The following PRIMA1 variants were observed in gnomAD, a reference collection of about 807,000 sequenced individuals.
PRIMA1 encodes proline rich membrane anchor 1, also known as proline-rich membrane anchor 1.
Under a neutral mutation model 17.5 loss-of-function variants are expected in PRIMA1, and 7 were observed. The ratio of observed to expected loss-of-function variants is 0.40; its 90% CI spans 0.23 to 0.75. The LOEUF (loss-of-function observed/expected upper bound fraction) is 0.75, where lower values mean the gene tolerates loss of function less well. Ranked by LOEUF, PRIMA1 falls within the 30% of genes least tolerant of loss-of-function variation. The pLI is 0.37. For missense variants in PRIMA1, 200 were observed against 201.8 expected (o/e 0.99, Z 0.05); for synonymous variants, 97 against 77.9 (o/e 1.25, Z -1.29).
intron 3 of PRIMA1, among the ~76,000 whole-genome samples, chr14:93,776,170 C>G (rs1440966276): frequency 1.3e-5 from 2 of 152,174 alleles, no homozygotes; most frequent in African/African-American, 4.8e-5. Flanking sequence ...GACAGAAATC[C>G]AATACCGTCA....
In PRIMA1 at chr14:93,726,826, CACAT is replaced by C. The variant is rs2076080235; in HGVS notation, c.360-5284_360-5281del. The stretch of plus-strand genomic sequence containing the variant: ...TGTACTTCAACACACACACAATATA[CACAT>C]ACACACATGTCCCTACACACATATG... On this transcript the variant is annotated intron_variant, in intron 4 of 4. Transcript: ENST00000393140. The surrounding 1 kb of genome is among the most constrained non-coding windows in gnomAD (Gnocchi z 4.2). 1.3e-5 allele frequency among the ~76,000 whole-genome samples: 2 copies of C among 152,040 alleles called. No homozygotes were observed. The highest frequency in any genetic ancestry group is 2.9e-5 in the Non-Finnish European group (2 of 68,008).
At chr14:93,766,643 G>A (rs562119918) in intron 3 of PRIMA1, among the ~76,000 whole-genome samples, 40 of 152,330 alleles carry the variant, frequency 2.6e-4, no homozygotes, top group Non-Finnish European at 5.3e-4. Context: ...GCATGACACA[G>A]AGAATTCAAC....
chr14:93,753,793 T>C (rs2076274742), intron 3 of PRIMA1, among the ~76,000 whole-genome samples: 1 of 152,164 alleles, frequency 6.6e-6, no homozygotes, highest in Admixed American at 6.5e-5. Flanking sequence ...AGGGCAACTT[T>C]GACCTATTCC....
At chr14:93,763,526 A>G (rs1183416494) in intron 3 of PRIMA1, among the ~76,000 whole-genome samples, 1 of 152,200 alleles carries the variant, frequency 6.6e-6, no homozygotes, top group Non-Finnish European at 1.5e-5. Context: ...CCCCAGCCGA[A>G]GCAGCCATTT....
chr14:93,737,397 G>A (rs1259434046), intron 3 of PRIMA1, 27 bp from the exon 4 acceptor site: 2 of 1,610,414 alleles, frequency 1.2e-6, no homozygotes, highest in Non-Finnish European at 1.7e-6. Flanking sequence ...CAGCCTGAGT[G>A]TCACCTGGAT....
rs532439940 is a variant in PRIMA1 at position 93,763,693 on chromosome 14, C to T, written c.229+15483G>A. Among the ~76,000 whole-genome samples, 37 of 152,280 alleles carry T rather than the reference C, an allele frequency of 2.4e-4. 1 individual carries two copies. In the South Asian group the frequency reaches 5.2e-3, roughly 21 times the overall value. Reference sequence around the variant, plus strand: ...CCGTCTGCTAATCGGTGAGCACTTCCGGTCCTCAGCTCCTTCCCTTGGCTC... The same window carrying T: ...CCGTCTGCTAATCGGTGAGCACTTCTGGTCCTCAGCTCCTTCCCTTGGCTC... On this transcript the variant is annotated intron_variant, in intron 3 of 4. Transcript: ENST00000393140.
intron 2 of PRIMA1, among the ~76,000 whole-genome samples, chr14:93,783,417 G>C (rs1885438061): frequency 6.6e-6 from 1 of 152,224 alleles, no homozygotes; most frequent in South Asian, 2.1e-4. Context: ...CCATTCCCCA[G>C]TGCTGGTTCC....
chr14:93,772,181 T>C (rs573221686), intron 3 of PRIMA1, among the ~76,000 whole-genome samples: 6 of 152,218 alleles, frequency 3.9e-5, no homozygotes, highest in Admixed American at 3.9e-4. Context: ...CATTTGTCTC[T>C]TTCTCTGTTG....
At chr14:93,752,606 C>T (rs1425964307) in intron 3 of PRIMA1, among the ~76,000 whole-genome samples, 1 of 152,170 alleles carries the variant, frequency 6.6e-6, no homozygotes, top group Non-Finnish European at 1.5e-5. Context: ...GCCCCAGGCC[C>T]ACGAGAACTC....
chr14:93,723,747 T>A (rs1456330770), intron 4 of PRIMA1, among the ~76,000 whole-genome samples: 2 of 152,124 alleles, frequency 1.3e-5, no homozygotes, highest in South Asian at 4.2e-4. Flanking sequence ...AAGCTAGGCC[T>A]GGAGTAAGAG....
At chr14:93,786,218 T>G (rs1471019461) in intron 2 of PRIMA1, among the ~76,000 whole-genome samples, 1 of 152,252 alleles carries the variant, frequency 6.6e-6, no homozygotes, top group African/African-American at 2.4e-5. Flanking sequence ...CCCAAGCCAC[T>G]AAAGTGTTTA....
chr14:93,745,212 T>A (rs542149120), intron 3 of PRIMA1, among the ~76,000 whole-genome samples: 9 of 152,234 alleles, frequency 5.9e-5, no homozygotes, highest in South Asian at 2.1e-4. Context: ...ACAGGAACAG[T>A]GGGCCTGTGG....
intron 3 of PRIMA1, among the ~76,000 whole-genome samples, chr14:93,743,777 G>A (rs924568269): frequency 3.9e-5 from 6 of 152,224 alleles, no homozygotes; most frequent in Non-Finnish European, 7.3e-5. Context: ...TCATGGCACC[G>A]CTGGTCCTCA....
At chr14:93,735,439 C>T (rs1192292587) in intron 4 of PRIMA1, among the ~76,000 whole-genome samples, 1 of 152,162 alleles carries the variant, frequency 6.6e-6, no homozygotes, top group Non-Finnish European at 1.5e-5. Flanking sequence ...ACCCTCCTCC[C>T]ATTCCAGCAG....
intron 3 of PRIMA1, among the ~76,000 whole-genome samples, chr14:93,768,809 CT>C (rs34349782): frequency 0.016 from 2,250 of 138,820 alleles, 52 homozygotes; most frequent in African/African-American, 0.057. Flanking sequence ...CACTTTTTTT[CT>C]TTTTTTTTTT....
intron 3 of PRIMA1, among the ~76,000 whole-genome samples, chr14:93,767,761 C>A (rs183741908): frequency 6.6e-6 from 1 of 152,190 alleles, no homozygotes; most frequent in African/African-American, 2.4e-5. Flanking sequence ...ACACACCCCC[C>A]CTCTCCATTC....
At chr14:93,785,705 C>A (rs1023456408) in intron 2 of PRIMA1, among the ~76,000 whole-genome samples, 1 of 152,224 alleles carries the variant, frequency 6.6e-6, no homozygotes, top group African/African-American at 2.4e-5. Flanking sequence ...TTCCAAAACC[C>A]CTTTCCCTTG....
In PRIMA1 at chr14:93,721,518, T is replaced by G. The variant is rs749955532; in HGVS notation, c.388A>C (p.Thr130Pro). ...CTCATGGGATACTCAGCAACGCTGG[T>G]GCCATTTTCGTCTTTTCTCAGTGGT... The part of the protein sequence containing the change: ...RKPLRKDENG[T>P]SVAEYPMSAS... The change falls in exon 5 of 5, where the codon ACC (threonine) becomes CCC (proline). Residue 130 changes from threonine to proline, a missense_variant. Thr to Pro is a conservative substitution (Grantham distance 38). Coordinates refer to ENST00000393140, the MANE Select transcript of PRIMA1 (RefSeq NM_178013.4). The G allele has an allele frequency of 1.2e-6, 2 of 1,613,680 alleles. No individual in the cohort carries two copies. The highest frequency in any genetic ancestry group is 2.2e-5 in the East Asian group (1 of 44,852).
chr14:93,743,964 G>A (rs1259215618), intron 3 of PRIMA1, among the ~76,000 whole-genome samples: 1 of 152,258 alleles, frequency 6.6e-6, no homozygotes, highest in Non-Finnish European at 1.5e-5. Context: ...GCCTCAGCCA[G>A]CTTGCTGAAG....
Sources: allele counts gnomAD v4.1 joint callset (sites outside exome capture counted in the v4.1 genomes callset), GRCh38; gene constraint gnomAD v4.1.1; non-coding constraint Gnocchi (gnomAD v3.1); transcripts MANE v1.5; gene names NCBI Gene and HGNC (gene_info 2026-07-23, HGNC 2026-07-21).